The following FRMPD1 variants were observed in gnomAD, a reference collection of about 807,000 sequenced individuals.
FRMPD1 encodes FERM and PDZ domain-containing protein 1.
FRMPD1 carries 76 observed loss-of-function variants against 117.8 expected under a neutral mutation model. That is an observed-to-expected ratio of 0.65 (90% CI 0.54 to 0.78). The LOEUF (loss-of-function observed/expected upper bound fraction) is 0.78. FRMPD1 is among the 30% of genes least tolerant of loss of function. The pLI, the probability that FRMPD1 is intolerant of heterozygous loss-of-function variation, is 0.00. For missense variants in FRMPD1, 1,786 were observed against 1,964.5 expected, an observed-to-expected ratio of 0.91 and a Z score of 1.72; for synonymous variants, 783 against 770.4, an observed-to-expected ratio of 1.02 and a Z score of -0.27.
the FRMPD1 span, among the ~76,000 whole-genome samples, chr9:37,620,176 C>T: frequency 3.9e-5 from 6 of 152,152 alleles, no homozygotes; most frequent in Non-Finnish European, 8.8e-5. Flanking sequence ...GACAGAATTC[C>T]ATTTTACCCT....
intron 1 of FRMPD1, among the ~76,000 whole-genome samples, chr9:37,670,550 T>C (rs1247575041): frequency 6.6e-6 from 1 of 152,096 alleles, no homozygotes; most frequent in African/African-American, 2.4e-5. Flanking sequence ...GTGCAATTTG[T>C]TAGGATGGGG....
chr9:37,710,091 C>A (rs1822853149), intron 4 of FRMPD1, among the ~76,000 whole-genome samples: 2 of 152,188 alleles, frequency 1.3e-5, no homozygotes, highest in Non-Finnish European at 2.9e-5. Flanking sequence ...GATACAACAA[C>A]AATGCCAAGA....
chr9:37,669,421 A>C (rs796754805), intron 1 of FRMPD1, among the ~76,000 whole-genome samples: 29 of 152,066 alleles, frequency 1.9e-4, no homozygotes, highest in South Asian at 1.0e-3. Context: ...GGGCCCAGCA[A>C]CCTGTGTTTT....
the FRMPD1 span, among the ~76,000 whole-genome samples, chr9:37,615,758 T>A: frequency 2.0e-5 from 3 of 152,026 alleles, no homozygotes; most frequent in Admixed American, 1.3e-4. Flanking sequence ...TCAGTGATAA[T>A]AACTCCTTCC....
chr9:37,640,066 T>G, the FRMPD1 span, among the ~76,000 whole-genome samples: 1 of 150,182 alleles, frequency 6.7e-6, no homozygotes, highest in Non-Finnish European at 1.5e-5. Flanking sequence ...TGTCACTCAC[T>G]TACCTCTGGC....
chr9:37,694,687 C>A (rs1822258389), intron 2 of FRMPD1, among the ~76,000 whole-genome samples: 1 of 152,140 alleles, frequency 6.6e-6, no homozygotes, highest in Non-Finnish European at 1.5e-5. Context: ...CAGGCGCGTG[C>A]CACCATGCTA....
At chr9:37,683,137 T>C (rs1821788527) in intron 1 of FRMPD1, among the ~76,000 whole-genome samples, 1 of 152,256 alleles carries the variant, frequency 6.6e-6, no homozygotes. Flanking sequence ...CTGACATTTA[T>C]ATGAAATCAT....
chr9:37,684,514 T>G (rs187340651), intron 1 of FRMPD1, among the ~76,000 whole-genome samples: 8 of 152,226 alleles, frequency 5.3e-5, no homozygotes, highest in Admixed American at 3.9e-4. Flanking sequence ...AAAAGGGATG[T>G]GATTAGAATT....
At chr9:37,739,966 C>T in intron 14 of FRMPD1, 112 bp from the exon 15 acceptor site, 1 of 791,766 alleles carries the variant, frequency 1.3e-6, no homozygotes, top group South Asian at 1.7e-5. Flanking sequence ...GCCAGCCACC[C>T]TCTGGCCCTC....
At chr9:37,641,359 A>G in the FRMPD1 span, among the ~76,000 whole-genome samples, 1 of 152,256 alleles carries the variant, frequency 6.6e-6, no homozygotes, top group African/African-American at 2.4e-5. Context: ...GCTGCCATTT[A>G]TTGAATGCCT....
chr9:37,685,371 C>T (rs1047035262), intron 1 of FRMPD1, among the ~76,000 whole-genome samples: 18 of 152,166 alleles, frequency 1.2e-4, no homozygotes, highest in East Asian at 7.7e-4. Flanking sequence ...CGGCTGGGCG[C>T]AGTGGCTCAC....
At chr9:37,719,470 T>C (rs930282424) in intron 6 of FRMPD1, among the ~76,000 whole-genome samples, 1 of 152,196 alleles carries the variant, frequency 6.6e-6, no homozygotes, top group Non-Finnish European at 1.5e-5. Flanking sequence ...CAATAGTTAA[T>C]TTCTCGTTAT....
At chr9:37,653,039 C>T (rs1399219206) in intron 1 of FRMPD1, among the ~76,000 whole-genome samples, 1 of 152,136 alleles carries the variant, frequency 6.6e-6, no homozygotes, top group African/African-American at 2.4e-5. Flanking sequence ...GCTGGGAGAG[C>T]ATGAGACAGA....
rs148211799 is a variant in FRMPD1, at chr9:37,718,174, C to T, written c.409-895C>T. On this transcript the variant is annotated intron_variant, in intron 5 of 15. Transcript: ENST00000377765. Reference sequence around the variant, plus strand: ...GTTCACTTCATGTACTTCATGGCTTCGGTCTGTTGGTGTTTGAGTCTATGA... The same window carrying T: ...GTTCACTTCATGTACTTCATGGCTTTGGTCTGTTGGTGTTTGAGTCTATGA... 9.1e-4 allele frequency among the ~76,000 whole-genome samples: 139 copies of T among 152,304 alleles called. No individual in the cohort carries two copies. In the Middle Eastern group the frequency reaches 0.01, roughly 11 times the overall value.
At chr9:37,638,320 G>T in the FRMPD1 span, among the ~76,000 whole-genome samples, 1 of 152,004 alleles carries the variant, frequency 6.6e-6, no homozygotes, top group African/African-American at 2.4e-5. Context: ...TGATCTGCCC[G>T]CTTCGGCCTT....
intron 1 of FRMPD1, among the ~76,000 whole-genome samples, chr9:37,660,506 G>A (rs1387512397): frequency 6.6e-6 from 1 of 152,172 alleles, no homozygotes; most frequent in Admixed American, 6.5e-5. Flanking sequence ...TAGTAAGGAA[G>A]ATATTCAGAC....
chr9:37,625,564 GT>G, the FRMPD1 span, among the ~76,000 whole-genome samples: 1 of 152,218 alleles, frequency 6.6e-6, no homozygotes, highest in Non-Finnish European at 1.5e-5. Context: ...ACCCTGGACA[GT>G]TCCTAAGTGC....
At chr9:37,647,170 A>G (rs10973452), upstream of FRMPD1, among the ~76,000 whole-genome samples, 2,732 of 152,210 alleles carry the variant, frequency 0.018, 89 homozygotes, top group African/African-American at 0.062. Flanking sequence ...ATTTGATGCT[A>G]TCCTCTCACC....
At chr9:37,725,265 G>C (rs1823571832) in intron 7 of FRMPD1, among the ~76,000 whole-genome samples, 1 of 152,190 alleles carries the variant, frequency 6.6e-6, no homozygotes, top group African/African-American at 2.4e-5. Context: ...AATAGTGTTA[G>C]AGTGAGGCCG....
Sources: gnomAD v4.1 joint callset for allele counts (sites outside exome capture counted in the v4.1 genomes callset) on GRCh38, gnomAD v4.1.1 for gene constraint, MANE v1.5 for transcripts, NCBI Gene and HGNC (gene_info 2026-07-23, HGNC 2026-07-21) for gene names.